KCNJ6: variants seen among roughly 807,000 people sequenced by gnomAD.
The protein encoded by KCNJ6 is potassium inwardly rectifying channel subfamily J member 6.
KCNJ6 carries 9 observed loss-of-function variants against 34.2 expected under a neutral mutation model. That is an observed-to-expected ratio of 0.26 (90% confidence interval 0.16 to 0.46). KCNJ6 has a LOEUF of 0.46. Among genes scored for constraint, KCNJ6 ranks in the 20% least tolerant of loss-of-function variants. KCNJ6 has a pLI of 1.00. For missense variants in KCNJ6, 236 were observed against 531.3 expected (o/e 0.44, Z 5.46); for synonymous variants, 196 against 207.1 (o/e 0.95, Z 0.46).
chr21:37,801,740 A>T lies in KCNJ6; in HGVS notation c.25+38918T>A, dbSNP rs556555213. Reference sequence around the variant, plus strand: ...CCTAGGCAGCACTGTGATTTTTTTTAAAAAATCATCCTTATTGAAGTGGAG... The same window carrying T: ...CCTAGGCAGCACTGTGATTTTTTTTTAAAAATCATCCTTATTGAAGTGGAG... On this transcript the variant is annotated intron_variant, in intron 2 of 3. Transcript: ENST00000609713. Among the ~76,000 whole-genome samples the T allele has an allele frequency of 4.1e-3, 555 of 136,556 alleles. 3 individuals are homozygous for T. Among genetic ancestry groups the T allele is most frequent in the Middle Eastern group, 0.011 (3 of 262 alleles). 89.6% of individuals were successfully genotyped at this position (136,556 alleles called of 152,430 possible).
At chr21:37,685,680 C>CAAAAAAAAAAAAA (rs371388696) in intron 3 of KCNJ6, among the ~76,000 whole-genome samples, 4 of 17,466 alleles carry the variant, frequency 2.3e-4, no homozygotes, top group African/African-American at 3.6e-4. Flanking sequence ...GACTCTGTCT[C>CAAAAAAAAAAAAA]CAAAAAAAAA....
intron 3 of KCNJ6, among the ~76,000 whole-genome samples, chr21:37,673,352 T>C (rs555747606): frequency 6.6e-6 from 1 of 152,160 alleles, no homozygotes; most frequent in Non-Finnish European, 1.5e-5. Flanking sequence ...GTCCTGCAGC[T>C]TCCTTTGGCT....
At chr21:37,846,607 C>G (rs752662343) in intron 1 of KCNJ6, among the ~76,000 whole-genome samples, 1 of 151,954 alleles carries the variant, frequency 6.6e-6, no homozygotes, top group African/African-American at 2.4e-5. Context: ...GAGGGGGAAA[C>G]TCATCATGGT....
Position 37,855,420 on chromosome 21 carries a change from C to T in KCNJ6, c.-27-14711G>A, listed in dbSNP as rs1000873359. ...TGGAGAATTAGCATAACCCTCACAT[C>T]GCTCTATTGTGACTGTTCTTGGAAC... On this transcript the variant is annotated intron_variant, in intron 1 of 3. Transcript: ENST00000609713. 7.2e-5 allele frequency among the ~76,000 whole-genome samples: 11 copies of T among 152,240 alleles called. No homozygotes were observed. In the East Asian group the frequency reaches 7.7e-4, roughly 11 times the overall value.
At chr21:37,860,806 C>T (rs1332666660) in intron 1 of KCNJ6, among the ~76,000 whole-genome samples, 3 of 152,182 alleles carry the variant, frequency 2.0e-5, no homozygotes, top group Non-Finnish European at 4.4e-5. Flanking sequence ...AGCATAGTTC[C>T]CATCTTCACT....
intron 3 of KCNJ6, among the ~76,000 whole-genome samples, chr21:37,630,834 T>G (rs2054330770): frequency 6.6e-6 from 1 of 152,180 alleles, no homozygotes; most frequent in African/African-American, 2.4e-5. Context: ...AATGCATTGT[T>G]GTTAATGGTA....
rs560869026 is a variant in KCNJ6 at position 37,707,460 on chromosome 21, G to T, written c.946+6751C>A. ...TTATTGTTCCCATTTTAGAGTTGAA[G>T]AAATGGAGACAGACAGAGGTTACGT... On this transcript the variant is annotated intron_variant, in intron 3 of 3. Transcript: ENST00000609713. Among the ~76,000 whole-genome samples the T allele has an allele frequency of 6.6e-5, 10 of 152,266 alleles. No individual in the cohort carries two copies. In the East Asian group the frequency reaches 1.9e-3, roughly 29 times the overall value.
Position 37,614,624 on chromosome 21 carries a change from GCATATGTCTGTGTGTGTATGCA to G in KCNJ6, c.*10513_*10534del. ...TGCATGTCTGTATGCGTGTGTGTATGCATATGTCTGTGTGTGTATGCACGTGTGTGTATGCATGTGTCTCTGT... is the reference window on the plus strand; with the variant it reads ...TGCATGTCTGTATGCGTGTGTGTATGCGTGTGTGTATGCATGTGTCTCTGT... On this transcript the variant is annotated 3_prime_UTR_variant, in exon 4 of 4. Coordinates refer to ENST00000609713, the MANE Select transcript of KCNJ6 (RefSeq NM_002240.5). 7.3e-6 allele frequency: 1 copy of G among 136,640 alleles called. No homozygotes were observed. Among genetic ancestry groups the G allele is most frequent in the Middle Eastern group, 3.6e-3 (1 of 278 alleles). The allele number at this position is 136,640 out of a possible 1,614,324, so 8.5% of individuals were successfully genotyped here.
At chr21:37,669,577 TTG>T (rs35169360) in intron 3 of KCNJ6, among the ~76,000 whole-genome samples, 28,999 of 148,866 alleles carry the variant, frequency 0.19, 2,975 homozygotes, top group East Asian at 0.44. Context: ...TCTGTGTGTG[TTG>T]TGTGTGTGTG....
chr21:37,902,033 A>G (rs2055819363), intron 1 of KCNJ6, among the ~76,000 whole-genome samples: 2 of 152,226 alleles, frequency 1.3e-5, no homozygotes, highest in African/African-American at 4.8e-5. Context: ...TGTCTGTCAA[A>G]GCTCATCCCA....
intron 1 of KCNJ6, among the ~76,000 whole-genome samples, chr21:37,881,989 G>A (rs540920082): frequency 6.6e-6 from 1 of 152,240 alleles, no homozygotes; most frequent in East Asian, 1.9e-4. Flanking sequence ...AAACATTATA[G>A]GGCTTCTGTG....
At chr21:37,725,044 T>C (rs2054847028) in intron 2 of KCNJ6, among the ~76,000 whole-genome samples, 1 of 152,070 alleles carries the variant, frequency 6.6e-6, no homozygotes, top group Admixed American at 6.6e-5. Context: ...AAATGTCTAT[T>C]AAAAAAACAG....
At chr21:37,632,068 G>C (rs1344335371) in intron 3 of KCNJ6, among the ~76,000 whole-genome samples, 2 of 152,078 alleles carry the variant, frequency 1.3e-5, no homozygotes, top group Non-Finnish European at 2.9e-5. Flanking sequence ...CTTGGCTTTA[G>C]AGAAAGAAGT....
At chr21:37,735,980 A>T (rs1303098265) in intron 2 of KCNJ6, among the ~76,000 whole-genome samples, 1 of 151,784 alleles carries the variant, frequency 6.6e-6, no homozygotes, top group Non-Finnish European at 1.5e-5. Context: ...ATAATGGAGA[A>T]TTCTCCCCCT....
At chr21:37,914,008 GGTGTGTGTGTGTGT>G (rs371432862) in intron 1 of KCNJ6, among the ~76,000 whole-genome samples, 85 of 135,584 alleles carry the variant, frequency 6.3e-4, no homozygotes, top group Non-Finnish European at 8.5e-4. Context: ...GGCGGATCGG[GGTGTGTGTGTGTGT>G]GTGTGTGTGT....
rs371241562 is a variant in KCNJ6, at chr21:37,611,004, G to A, written c.*14155C>T. On this transcript the variant is annotated 3_prime_UTR_variant, in exon 4 of 4. Coordinates refer to ENST00000609713, the MANE Select transcript of KCNJ6 (RefSeq NM_002240.5). ...AATTAAAATTAGATTAAAAATTCAC[G>A]AAATTGAAAATAGGAAATCAATAAA... The A allele has an allele frequency of 9.9e-5, 15 of 151,902 alleles. No homozygotes were observed. Among genetic ancestry groups the A allele is most frequent in the Admixed American group, 1.3e-4 (2 of 15,258 alleles). The allele number at this position is 151,902 out of a possible 1,614,324, so 9.4% of individuals were successfully genotyped here.
intron 1 of KCNJ6, among the ~76,000 whole-genome samples, chr21:37,882,934 TTG>T (rs145161139): frequency 5.9e-5 from 9 of 152,000 alleles, no homozygotes; most frequent in Middle Eastern, 3.4e-3. Flanking sequence ...GCATGCACAT[TTG>T]TGTGTGTGTG....
intron 3 of KCNJ6, among the ~76,000 whole-genome samples, chr21:37,666,561 G>A (rs180803264): frequency 4.1e-4 from 62 of 152,264 alleles, no homozygotes; most frequent in African/African-American, 1.3e-3. Flanking sequence ...CCGCCACCCC[G>A]TCTGGGAAGT....
rs185043403 is a variant in KCNJ6, at chr21:37,794,459, G to A, written c.25+46199C>T. 4.5e-4 allele frequency among the ~76,000 whole-genome samples: 69 copies of A among 152,332 alleles called. No homozygotes were observed. In the East Asian group the frequency reaches 0.011, roughly 24 times the overall value. On this transcript the variant is annotated intron_variant, in intron 2 of 3. Transcript: ENST00000609713. ...TTAGGTAAAATAAGGTATATGAAGT[G>A]CTTAAACCAAAGACTGGGAAAAGCA...
Sources: allele counts gnomAD v4.1 joint callset (sites outside exome capture counted in the v4.1 genomes callset), GRCh38; gene constraint gnomAD v4.1.1; transcripts MANE v1.5; gene names NCBI Gene and HGNC (gene_info 2026-07-23, HGNC 2026-07-21).